CADM1: variants seen among roughly 807,000 people sequenced by gnomAD.
CADM1 encodes the protein TSLC-1.
In CADM1, 15 loss-of-function variants were observed where a neutral mutation model predicts 53.1. The observed-to-expected ratio is 0.28, with a 90% CI of 0.19 to 0.44. The LOEUF (loss-of-function observed/expected upper bound fraction) is 0.44. Among genes scored for constraint, CADM1 ranks in the 20% least tolerant of loss-of-function variants. CADM1 has a pLI of 1.00. For synonymous variants in CADM1, 281 were observed against 243.0 expected (o/e 1.16, Z -1.45); for missense variants, 434 against 611.3 (o/e 0.71, Z 3.06).
chr11:115,403,103 A>G (rs1165803701), intron 1 of CADM1, among the ~76,000 whole-genome samples: 1 of 152,246 alleles, frequency 6.6e-6, no homozygotes, highest in Non-Finnish European at 1.5e-5. Context: ...TAACGTTGCC[A>G]ATAACAGGAT....
intron 9 of CADM1, chr11:115,193,879 C>T (rs1940016169): frequency 6.6e-6 from 1 of 152,188 alleles, no homozygotes; most frequent in African/African-American, 2.4e-5. Flanking sequence ...ATTATGGAAA[C>T]TCTTACTTCC....
intron 1 of CADM1, among the ~76,000 whole-genome samples, chr11:115,503,622 G>A (rs1949782868): frequency 6.6e-6 from 1 of 152,282 alleles, no homozygotes. Flanking sequence ...AAAAAGACCC[G>A]CAGCAGAGCC....
chr11:115,237,213 T>C (rs1342359899), intron 3 of CADM1, among the ~76,000 whole-genome samples: 2 of 152,142 alleles, frequency 1.3e-5, no homozygotes, highest in African/African-American at 4.8e-5. Context: ...ACCAAAATAG[T>C]CATCCCACTA....
At chr11:115,346,285 T>C (rs1945575567) in intron 1 of CADM1, among the ~76,000 whole-genome samples, 1 of 152,190 alleles carries the variant, frequency 6.6e-6, no homozygotes, top group African/African-American at 2.4e-5. Flanking sequence ...CAAGTGAATG[T>C]CAAAGTCAGA....
intron 1 of CADM1, among the ~76,000 whole-genome samples, chr11:115,315,204 T>C (rs965680148): frequency 6.6e-6 from 1 of 152,168 alleles, no homozygotes; most frequent in African/African-American, 2.4e-5. Context: ...AAAAAAGGAC[T>C]CTTTTAATGG....
intron 9 of CADM1, among the ~76,000 whole-genome samples, chr11:115,194,325 T>C (rs2134658964): frequency 6.6e-6 from 1 of 152,314 alleles, no homozygotes; most frequent in South Asian, 2.1e-4. Flanking sequence ...ATAAGAAAAT[T>C]GTACGTGCTT....
intron 1 of CADM1, among the ~76,000 whole-genome samples, chr11:115,502,927 G>C (rs1591313068): frequency 6.6e-6 from 1 of 152,320 alleles, no homozygotes; most frequent in East Asian, 1.9e-4. Context: ...CTCCGCAGGT[G>C]GGGGCTGAGC....
intron 1 of CADM1, among the ~76,000 whole-genome samples, chr11:115,276,253 T>A (rs1382245674): frequency 3.3e-5 from 5 of 152,246 alleles, no homozygotes; most frequent in Admixed American, 3.3e-4. Context: ...AATTTCCACT[T>A]GCAATGCATT....
At chr11:115,188,125 G>T (rs927543562) in intron 10 of CADM1, among the ~76,000 whole-genome samples, 1 of 152,212 alleles carries the variant, frequency 6.6e-6, no homozygotes. Flanking sequence ...CTGCTGAAGG[G>T]AGAGAGGCAG....
At chr11:115,428,105 T>A (rs546842686) in intron 1 of CADM1, among the ~76,000 whole-genome samples, 1 of 151,858 alleles carries the variant, frequency 6.6e-6, no homozygotes, top group Non-Finnish European at 1.5e-5. Flanking sequence ...AAAGGGCTAT[T>A]AGATGAACCT....
chr11:115,378,630 G>A (rs892533108), intron 1 of CADM1, among the ~76,000 whole-genome samples: 28 of 152,168 alleles, frequency 1.8e-4, no homozygotes, highest in Non-Finnish European at 3.1e-4. Flanking sequence ...GTAGAGCCTG[G>A]AAGCTAGGAA....
intron 1 of CADM1, among the ~76,000 whole-genome samples, chr11:115,447,484 G>A (rs1175254038): frequency 6.6e-6 from 1 of 152,134 alleles, no homozygotes; most frequent in East Asian, 1.9e-4. Flanking sequence ...TGTCTGCTCT[G>A]TGAAAATGGA....
At chr11:115,407,621 C>CG (rs1314616029) in intron 1 of CADM1, among the ~76,000 whole-genome samples, 1 of 151,942 alleles carries the variant, frequency 6.6e-6, no homozygotes, top group East Asian at 1.9e-4. Context: ...TGGCCAGGAA[C>CG]GGTGGCTCAT....
intron 1 of CADM1, among the ~76,000 whole-genome samples, chr11:115,280,905 C>T (rs1006926780): frequency 3.3e-5 from 5 of 152,196 alleles, no homozygotes; most frequent in African/African-American, 4.8e-5. Flanking sequence ...ATCCTTAATG[C>T]GTTCTGCTCA....
intron 1 of CADM1, among the ~76,000 whole-genome samples, chr11:115,454,896 C>G (rs1948650186): frequency 6.6e-6 from 1 of 152,174 alleles, no homozygotes; most frequent in South Asian, 2.1e-4. Context: ...GTGTGGCACC[C>G]TATCTTCTGG....
intron 1 of CADM1, among the ~76,000 whole-genome samples, chr11:115,443,488 T>C (rs1360845037): frequency 2.0e-5 from 3 of 152,156 alleles, no homozygotes; most frequent in Non-Finnish European, 4.4e-5. Context: ...GTTCTTAATA[T>C]CATTAGTAAC....
At chr11:115,412,934 T>C (rs958484942) in intron 1 of CADM1, among the ~76,000 whole-genome samples, 2 of 152,344 alleles carry the variant, frequency 1.3e-5, no homozygotes, top group Admixed American at 6.5e-5. Context: ...TCTGTCACCA[T>C]CACTCCTAAA....
At chr11:115,310,352 C>T (rs545639189) in intron 1 of CADM1, among the ~76,000 whole-genome samples, 4 of 152,004 alleles carry the variant, frequency 2.6e-5, no homozygotes, top group Non-Finnish European at 5.9e-5. Context: ...ATAATTTTAC[C>T]ATTATTGCTG....
At chr11:115,379,734 C>A (rs909984512) in intron 1 of CADM1, among the ~76,000 whole-genome samples, 1 of 152,174 alleles carries the variant, frequency 6.6e-6, no homozygotes, top group Non-Finnish European at 1.5e-5. Flanking sequence ...CTCAACTTCA[C>A]TTTTTGATAG....
Sources: gnomAD v4.1 joint callset for allele counts (sites outside exome capture counted in the v4.1 genomes callset) on GRCh38, gnomAD v4.1.1 for gene constraint, MANE v1.5 for transcripts, NCBI Gene and HGNC (gene_info 2026-07-23, HGNC 2026-07-21) for gene names.